The following LINGO1 variants were observed in gnomAD, a reference collection of about 807,000 sequenced individuals.
The protein encoded by LINGO1 is leucine-rich repeat and immunoglobulin-like domain-containing nogo receptor-interacting protein 1.
A neutral mutation model predicts 37.3 loss-of-function variants in LINGO1; 11 were observed. The ratio of observed to expected loss-of-function variants is 0.29; its 90% CI spans 0.19 to 0.49. The LOEUF is 0.49. LINGO1 is among the 20% of genes least tolerant of loss of function. The pLI, the probability that LINGO1 is intolerant of heterozygous loss-of-function variation, is 0.99. For missense variants in LINGO1, 585 were observed against 878.2 expected (o/e 0.67, Z 4.22); for synonymous variants, 387 against 403.0 (o/e 0.96, Z 0.48).
rs571199071 is a variant in LINGO1, at chr15:77,621,061, T to G, written c.7-5161A>C. On this transcript the variant is annotated intron_variant, in intron 1 of 1. Transcript: ENST00000355300. ...TGCTATGGGCCAGGTTTGGGGCCTT[T>G]TTTTTTTCTTTTAGATGGAGTCTCA... 1.5e-4 allele frequency among the ~76,000 whole-genome samples: 23 copies of G among 151,786 alleles called. 1 individual carries two copies. Among genetic ancestry groups the G allele is most frequent in the Admixed American group, 1.4e-3 (21 of 15,260 alleles).
intron 1 of LINGO1, among the ~76,000 whole-genome samples, chr15:77,620,801 C>A (rs138005855): frequency 0.011 from 1,678 of 152,166 alleles, 24 homozygotes; most frequent in Middle Eastern, 0.037. Context: ...ACATTCAGGG[C>A]GTGCCCCCAG....
At chr15:77,759,206 C>G (rs1036004202) in intron 1 of LINGO1, among the ~76,000 whole-genome samples, 5 of 152,246 alleles carry the variant, frequency 3.3e-5, no homozygotes, top group Admixed American at 6.5e-5. Flanking sequence ...CACACACTAC[C>G]TTGCACATTG....
At chr15:77,736,010 T>G (rs947407829) in intron 1 of LINGO1, among the ~76,000 whole-genome samples, 2 of 152,222 alleles carry the variant, frequency 1.3e-5, no homozygotes, top group African/African-American at 4.8e-5. Flanking sequence ...ATGACTACCT[T>G]CACATATTAT....
chr15:77,756,968 G>A (rs1456716710), intron 1 of LINGO1, among the ~76,000 whole-genome samples: 1 of 152,190 alleles, frequency 6.6e-6, no homozygotes, highest in Non-Finnish European at 1.5e-5. Context: ...CCTCTGCTGT[G>A]CAGGTTTCCC....
intron 2 of LINGO1, among the ~76,000 whole-genome samples, chr15:77,714,759 G>T (rs1221032695): frequency 6.6e-6 from 1 of 152,192 alleles, no homozygotes; most frequent in Non-Finnish European, 1.5e-5. Context: ...CGATAAGCCT[G>T]GCTTGCCTGG....
chr15:77,796,654 G>C (rs563049495), intron 1 of LINGO1, among the ~76,000 whole-genome samples: 1 of 151,462 alleles, frequency 6.6e-6, no homozygotes, highest in East Asian at 1.9e-4. Flanking sequence ...CCTTGGGCCT[G>C]AGCCTCAACT....
intron 2 of LINGO1, among the ~76,000 whole-genome samples, chr15:77,710,620 G>C (rs1317253461): frequency 6.6e-6 from 1 of 152,206 alleles, no homozygotes; most frequent in Non-Finnish European, 1.5e-5. Flanking sequence ...CTCTGCCAGG[G>C]AGCTAAAAGC....
chr15:77,778,995 C>T (rs1224316708), intron 1 of LINGO1, among the ~76,000 whole-genome samples: 1 of 152,132 alleles, frequency 6.6e-6, no homozygotes, highest in East Asian at 1.9e-4. Flanking sequence ...CCATTCTGGC[C>T]TCCTCCTTCT....
chr15:77,625,303 C>G (rs552632956), intron 1 of LINGO1, among the ~76,000 whole-genome samples: 2 of 152,274 alleles, frequency 1.3e-5, no homozygotes, highest in African/African-American at 4.8e-5. Context: ...TCGTAGGTGG[C>G]CTTTGGTGTT....
At chr15:77,670,760 C>T (rs565255683) in intron 3 of LINGO1, among the ~76,000 whole-genome samples, 47 of 152,310 alleles carry the variant, frequency 3.1e-4, no homozygotes, top group African/African-American at 1.1e-3. Flanking sequence ...GGACCCAGGG[C>T]GGCCAGGGGC....
At chr15:77,812,126 G>A (rs2141480534) in intron 1 of LINGO1, among the ~76,000 whole-genome samples, 1 of 152,290 alleles carries the variant, frequency 6.6e-6, no homozygotes, top group Middle Eastern at 3.4e-3. Flanking sequence ...AGCCCTAGCT[G>A]CACATTTAAA....
chr15:77,711,414 G>C (rs1348782556), intron 2 of LINGO1, among the ~76,000 whole-genome samples: 1 of 152,204 alleles, frequency 6.6e-6, no homozygotes, highest in African/African-American at 2.4e-5. Context: ...GGGGGCCACA[G>C]GGAGAGAAGA....
chr15:77,744,562 A>T (rs2076294653), intron 1 of LINGO1, among the ~76,000 whole-genome samples: 1 of 152,214 alleles, frequency 6.6e-6, no homozygotes, highest in Non-Finnish European at 1.5e-5. Flanking sequence ...AAATAACAAA[A>T]GCCGCTAACT....
chr15:77,814,638 A>C (rs2077033816), intron 1 of LINGO1, among the ~76,000 whole-genome samples: 1 of 152,186 alleles, frequency 6.6e-6, no homozygotes. Context: ...TCATCCCCGC[A>C]TGACACCCAT....
At chr15:77,670,939 G>A (rs967717378) in intron 3 of LINGO1, among the ~76,000 whole-genome samples, 2 of 152,216 alleles carry the variant, frequency 1.3e-5, no homozygotes, top group Admixed American at 1.3e-4. Context: ...TCCAGCCCAG[G>A]CCCTGTCTAT....
intron 1 of LINGO1, among the ~76,000 whole-genome samples, chr15:77,785,870 A>C (rs1303749758): frequency 1.3e-5 from 2 of 152,074 alleles, no homozygotes; most frequent in African/African-American, 2.4e-5. Flanking sequence ...TCATGTTGCT[A>C]TCCAGAGGCA....
chr15:77,733,832 C>A (rs968054503), intron 2 of LINGO1, among the ~76,000 whole-genome samples: 3 of 152,072 alleles, frequency 2.0e-5, no homozygotes, highest in Admixed American at 1.3e-4. Flanking sequence ...CTGGCCCTTG[C>A]AGGGGTGTCT....
At chr15:77,731,936 C>T (rs556351140) in intron 2 of LINGO1, among the ~76,000 whole-genome samples, 25 of 152,298 alleles carry the variant, frequency 1.6e-4, no homozygotes, top group African/African-American at 6.0e-4. Flanking sequence ...CCACAGCAGC[C>T]TGGATACAGG....
At position 77,632,367 on chromosome 15, in the gene LINGO1, C is replaced by A; in HGVS notation, c.-52G>T. 2 of 1,382,058 alleles carry A rather than the reference C, an allele frequency of 1.4e-6. No homozygotes were observed. Among genetic ancestry groups the A allele is most frequent in the Non-Finnish European group, 1.9e-6 (2 of 1,062,802 alleles). 85.6% of individuals were successfully genotyped at this position (1,382,058 alleles called of 1,614,324 possible). Reference sequence around the variant, plus strand: ...CTCGGTCACCAATCGCATGTCTCTCCAGCCGGCCCGACCAGGCCCCAGCCC... The same window carrying A: ...CTCGGTCACCAATCGCATGTCTCTCAAGCCGGCCCGACCAGGCCCCAGCCC... On this transcript the variant is annotated 5_prime_UTR_variant, in exon 1 of 2. Coordinates refer to ENST00000355300, the MANE Select transcript of LINGO1 (RefSeq NM_032808.7). This position sits in a 1 kb window ranked among gnomAD's most constrained non-coding sequence, Gnocchi z 6.0.
Sources: gnomAD v4.1 joint callset for allele counts (sites outside exome capture counted in the v4.1 genomes callset) on GRCh38, gnomAD v4.1.1 for gene constraint, Gnocchi (gnomAD v3.1) non-coding constraint, MANE v1.5 for transcripts, NCBI Gene and HGNC (gene_info 2026-07-23, HGNC 2026-07-21) for gene names.